Variants in DEAF1 observed in about 807,000 individuals in gnomAD.
DEAF1 encodes DEAF1 transcription factor.
A neutral mutation model predicts 58.9 loss-of-function variants in DEAF1; 53 were observed. That is an observed-to-expected ratio of 0.90 (90% CI 0.72 to 1.13). DEAF1 has a LOEUF of 1.13. Among genes scored for constraint, DEAF1 ranks in the 50% most tolerant of loss-of-function variants. DEAF1 has a pLI of 0.00. For missense variants in DEAF1, 685 were observed against 791.4 expected, an observed-to-expected ratio of 0.87 and a Z score of 1.61; for synonymous variants, 385 against 340.4, an observed-to-expected ratio of 1.13 and a Z score of -1.44.
upstream of DEAF1, chr11:698,856 CTT>C: frequency 6.2e-7 from 1 of 1,614,178 alleles, no homozygotes; most frequent in Middle Eastern, 1.6e-4. Flanking sequence ...CTCACGGCCC[CTT>C]TCTCTTTCAG....
chr11:645,466 G>T (rs940766942), intron 11 of DEAF1, among the ~76,000 whole-genome samples: 1 of 151,926 alleles, frequency 6.6e-6, no homozygotes, highest in African/African-American at 2.4e-5. Context: ...ACAGGTGCAC[G>T]CCACCACACC....
chr11:698,726 G>A (rs1861310024), upstream of DEAF1: 1 of 944,348 alleles, frequency 1.1e-6, no homozygotes, highest in South Asian at 1.4e-5. Context: ...CTAGTGGCAG[G>A]CCCACGGTAT....
chr11:670,310 C>A (rs1206545625), intron 10 of DEAF1, among the ~76,000 whole-genome samples: 1 of 151,802 alleles, frequency 6.6e-6, no homozygotes, highest in African/African-American at 2.4e-5. Flanking sequence ...CGGTCATTAT[C>A]TTTGGGTGCA....
chr11:689,939 C>T (rs1860756125), intron 2 of DEAF1: 2 of 152,236 alleles, frequency 1.3e-5, no homozygotes, highest in South Asian at 4.2e-4. Context: ...GGTGCCCAGA[C>T]CCCACTGCCA....
intron 1 of DEAF1, chr11:704,710 A>G (rs183442007): frequency 8.2e-7 from 1 of 1,223,190 alleles, no homozygotes; most frequent in Admixed American, 2.3e-5. Flanking sequence ...TCCACAGGGA[A>G]CGCCATGGCT....
At chr11:682,712 T>C (rs554329863) in intron 6 of DEAF1, among the ~76,000 whole-genome samples, 1 of 152,168 alleles carries the variant, frequency 6.6e-6, no homozygotes, top group Non-Finnish European at 1.5e-5. Context: ...CCCCACCCTA[T>C]GGGCAATGTG....
intron 6 of DEAF1, among the ~76,000 whole-genome samples, chr11:684,197 C>T (rs1010469688): frequency 2.0e-5 from 3 of 149,350 alleles, no homozygotes; most frequent in Admixed American, 1.3e-4. Context: ...GCGGGCGGAT[C>T]ACATGTGGTC....
At chr11:645,152 C>T (rs1858426270) in intron 11 of DEAF1, among the ~76,000 whole-genome samples, 1 of 131,362 alleles carries the variant, frequency 7.6e-6, no homozygotes, top group Admixed American at 8.0e-5. Context: ...GACAGAACAA[C>T]TCCATATCAA....
chr11:653,974 G>C lies in DEAF1; in HGVS notation c.1581C>G (p.Phe527Leu), dbSNP rs1442013002. 1 of 1,613,960 alleles carries C rather than the reference G, an allele frequency of 6.2e-7. No homozygotes were observed. The highest frequency in any genetic ancestry group is 8.5e-7 in the Non-Finnish European group (1 of 1,179,970). Residue 527 changes from phenylalanine (F) to leucine (L), a missense_variant, in exon 11 of 12, where the codon TTC becomes TTG. This residue lies in a region of DEAF1 where 343 missense variants were observed against 379.8 expected (regional missense o/e 0.90). Coordinates refer to ENST00000382409, the MANE Select transcript of DEAF1 (RefSeq NM_021008.4). Reference protein sequence around the residue: ...GCHKVNYCSTFCQRKDWKDHQ... With the variant: ...GCHKVNYCSTLCQRKDWKDHQ... Reference sequence around the variant, plus strand: ...AGGTGAGACCTACCTTGCGTTGGCAGAAGGTGGAGCAGTAGTTGACCTTGT... The same window carrying C: ...AGGTGAGACCTACCTTGCGTTGGCACAAGGTGGAGCAGTAGTTGACCTTGT...
chr11:670,770 TGTTTTTG>T (rs1222555041), intron 10 of DEAF1, among the ~76,000 whole-genome samples: 6 of 71,718 alleles, frequency 8.4e-5, no homozygotes, highest in African/African-American at 3.5e-4. Context: ...TTTTTCTTTT[TGTTTTTG>T]TTTTTTTTTT....
chr11:704,962 C>A, intron 1 of DEAF1: 1 of 329,354 alleles, frequency 3.0e-6, no homozygotes, highest in South Asian at 2.4e-5. Context: ...TGGGTCAGGG[C>A]AAGCTCATGC....
intron 9 of DEAF1, among the ~76,000 whole-genome samples, chr11:675,044 C>T (rs1286408118): frequency 2.0e-5 from 3 of 151,962 alleles, no homozygotes; most frequent in Non-Finnish European, 2.9e-5. Flanking sequence ...ATTAGCTGGA[C>T]GTGGTGGTAG....
In DEAF1 at chr11:679,690, G is replaced by A; in HGVS notation, c.1124C>T (p.Thr375Ile). ...PAQGDVFAGA[T>I]VQEASVQPPC... ...AGGCAGGCACTGGAGCAGCTCACCT[G>A]TGGCCCCTGCGAAGACGTCGCCCTG... Residue 375 changes from threonine (T) to isoleucine (I), a missense_variant and splice_region_variant, in exon 8 of 12, where the codon ACA becomes ATA. Physicochemically the swap from Thr to Ile is moderately conservative, Grantham distance 89. This residue lies in a region of DEAF1 where 343 missense variants were observed against 379.8 expected (regional missense o/e 0.90). Transcript: ENST00000382409. The A allele has an allele frequency of 6.2e-7, 1 of 1,611,958 alleles. No homozygotes were observed. The highest frequency in any genetic ancestry group is 8.5e-7 in the Non-Finnish European group (1 of 1,180,034).
intron 1 of DEAF1, chr11:693,390 G>A (rs1860920547): frequency 6.6e-6 from 1 of 152,060 alleles, no homozygotes; most frequent in Non-Finnish European, 1.5e-5. Context: ...TTGCCTTCGA[G>A]GGCCACTCAG....
intron 11 of DEAF1, among the ~76,000 whole-genome samples, chr11:645,273 A>C (rs1257585764): frequency 6.6e-6 from 1 of 152,186 alleles, no homozygotes; most frequent in Admixed American, 6.6e-5. Flanking sequence ...AAACATTTAA[A>C]TATGTAAATA....
intron 1 of DEAF1, chr11:703,777 C>G: frequency 1.6e-6 from 2 of 1,233,132 alleles, no homozygotes; most frequent in Non-Finnish European, 2.0e-6. Flanking sequence ...CAATTTCCAT[C>G]TTAGCCACAC....
intron 11 of DEAF1, among the ~76,000 whole-genome samples, chr11:650,815 C>T (rs1314471221): frequency 6.6e-6 from 1 of 151,950 alleles, no homozygotes; most frequent in Non-Finnish European, 1.5e-5. Flanking sequence ...ATTAGCTGGG[C>T]GTGGGGCGTG....
In DEAF1 at chr11:653,943, T is replaced by C. The variant is rs1446185763; in HGVS notation, c.1593+19A>G. 4 of 1,610,872 alleles carry C rather than the reference T, an allele frequency of 2.5e-6. No individual in the cohort carries two copies. Among genetic ancestry groups the C allele is most frequent in the Non-Finnish European group, 3.4e-6 (4 of 1,177,274 alleles). On this transcript the variant is annotated intron_variant, in intron 11 of 11. Coordinates refer to ENST00000382409, the MANE Select transcript of DEAF1 (RefSeq NM_021008.4). ...AGGGAGGAGGCGGGGGCACTGAGCC[T>C]GGTGTAGGTGAGACCTACCTTGCGT...
rs1554943169 is a variant in DEAF1, at chr11:681,100, A to G, written c.871-11T>C. The G allele has an allele frequency of 6.2e-7, 1 of 1,613,792 alleles. No homozygotes were observed. The highest frequency in any genetic ancestry group is 1.7e-5 in the Admixed American group (1 of 60,022). The stretch of plus-strand genomic sequence containing the variant: ...CCTGACTGGGCCACTCTGGGGGAGA[A>G]AGGAGAGAGGCCACCACCTTCATGT... On this transcript the variant is annotated splice_polypyrimidine_tract_variant and intron_variant, in intron 6 of 11. Transcript: ENST00000382409.
Sources: gnomAD v4.1 joint callset for allele counts (sites outside exome capture counted in the v4.1 genomes callset) on GRCh38, gnomAD v4.1.1 for gene constraint, gnomAD v4.1.1 regional missense constraint, MANE v1.5 for transcripts, NCBI Gene and HGNC (gene_info 2026-07-23, HGNC 2026-07-21) for gene names.